Variants in CERK observed in about 807,000 individuals in gnomAD.
The protein encoded by CERK is ceramide kinase, also known as acylsphingosine kinase.
Under a neutral mutation model 63.4 loss-of-function variants are expected in CERK, and 39 were observed. The ratio of observed to expected loss-of-function variants is 0.61; its 90% CI spans 0.48 to 0.80. CERK has a LOEUF of 0.80. CERK is among the 30% of genes least tolerant of loss of function. The pLI, the probability that CERK is intolerant of heterozygous loss-of-function variation, is 0.00. For missense variants in CERK, 670 were observed against 714.1 expected (o/e 0.94, Z 0.70); for synonymous variants, 302 against 280.0 (o/e 1.08, Z -0.78).
intron 3 of CERK, among the ~76,000 whole-genome samples, chr22:46,715,306 T>C (rs1193414097): frequency 1.3e-5 from 2 of 152,140 alleles, no homozygotes; most frequent in African/African-American, 4.8e-5. Flanking sequence ...AACACAACTG[T>C]TATTATGCAC....
At chr22:46,710,228 G>A (rs1464525511) in intron 5 of CERK, among the ~76,000 whole-genome samples, 1 of 152,204 alleles carries the variant, frequency 6.6e-6, no homozygotes, top group Non-Finnish European at 1.5e-5. Context: ...GAGGTCAGGA[G>A]TTCGAGACCA....
rs570547464 is a variant in CERK at position 46,724,881 on chromosome 22, T to C, written c.143-3866A>G. Among the ~76,000 whole-genome samples the C allele has an allele frequency of 2.5e-3, 374 of 152,000 alleles. 2 individuals carry two copies. Among genetic ancestry groups the C allele is most frequent in the African/African-American group, 8.3e-3 (344 of 41,456 alleles). ...AAAAATACACAAAAAATTAGCCGGG[T>C]GTGGTGGCGGGCACCTGTAGCCCCA... On this transcript the variant is annotated intron_variant, in intron 1 of 12. Coordinates refer to ENST00000216264, the MANE Select transcript of CERK (RefSeq NM_022766.6).
At position 46,688,741 on chromosome 22, in the gene CERK, G is replaced by A. The variant is rs144313249; in HGVS notation, c.1541+1251C>T. ...CACCCAGCTTTCGTTGCAGACAGGCGTGGGCCTGCTGACCAGCCTGCTATC... is the reference window on the plus strand; with the variant it reads ...CACCCAGCTTTCGTTGCAGACAGGCATGGGCCTGCTGACCAGCCTGCTATC... On this transcript the variant is annotated intron_variant, in intron 12 of 12. Transcript: ENST00000216264. Among the ~76,000 whole-genome samples the A allele has an allele frequency of 1.3e-5, 2 of 152,358 alleles. 1 individual carries two copies. Among genetic ancestry groups the A allele is most frequent in the East Asian group, 3.9e-4 (2 of 5,192 alleles).
intron 5 of CERK, among the ~76,000 whole-genome samples, chr22:46,709,533 G>T (rs2082830328): frequency 6.6e-6 from 1 of 152,194 alleles, no homozygotes; most frequent in African/African-American, 2.4e-5. Context: ...GCACCTGGGG[G>T]CAGGGGCTCC....
At chr22:46,713,508 C>CAAAAAA (rs34168827) in intron 3 of CERK, among the ~76,000 whole-genome samples, 14 of 74,156 alleles carry the variant, frequency 1.9e-4, no homozygotes, top group South Asian at 1.3e-3. Context: ...GACTTCATCT[C>CAAAAAA]AAAAAAAAAA....
chr22:46,692,380 T>G (rs1444218143), intron 10 of CERK, among the ~76,000 whole-genome samples: 4 of 144,280 alleles, frequency 2.8e-5, no homozygotes, highest in Non-Finnish European at 6.0e-5. Flanking sequence ...GAGCTGAGAT[T>G]GCGCCATTGC....
chr22:46,687,125 G>C lies in CERK; in HGVS notation c.*9C>G. On this transcript the variant is annotated 3_prime_UTR_variant, in exon 13 of 13. Coordinates refer to ENST00000216264, the MANE Select transcript of CERK (RefSeq NM_022766.6). ...CACTTTCCCAGTTTGTGAGCAGGAC[G>C]CCGGCTTCTCAGCTGTGTGAGTCTG... is the stretch of plus-strand genomic sequence containing the variant. 1 of 1,613,044 alleles carries C rather than the reference G, an allele frequency of 6.2e-7. No individual in the cohort carries two copies. The highest frequency in any genetic ancestry group is 8.5e-7 in the Non-Finnish European group (1 of 1,179,074).
chr22:46,733,669 T>C (rs112462555), intron 1 of CERK, among the ~76,000 whole-genome samples: 2,114 of 152,262 alleles, frequency 0.014, 59 homozygotes, highest in African/African-American at 0.047. Flanking sequence ...TCTAGCTTTT[T>C]CTTTATTCTT....
At position 46,726,078 on chromosome 22, in the gene CERK, T is replaced by G. The variant is rs564541643; in HGVS notation, c.143-5063A>C. Among the ~76,000 whole-genome samples the G allele has an allele frequency of 1.5e-3, 230 of 152,214 alleles. 1 individual carries two copies. Among genetic ancestry groups the G allele is most frequent in the Non-Finnish European group, 2.8e-3 (188 of 68,032 alleles). ...AGCAGGAGGGCCCACGGGTTTCCCGTGTGTCACGGGGCACTGAGTGTCTGC... is the reference window on the plus strand; with the variant it reads ...AGCAGGAGGGCCCACGGGTTTCCCGGGTGTCACGGGGCACTGAGTGTCTGC... On this transcript the variant is annotated intron_variant, in intron 1 of 12. Transcript: ENST00000216264.
chr22:46,691,222 A>C (rs2082730023), intron 11 of CERK, among the ~76,000 whole-genome samples: 1 of 151,990 alleles, frequency 6.6e-6, no homozygotes, highest in South Asian at 2.1e-4. Flanking sequence ...TTACAGGCGC[A>C]CGCCACCACG....
intron 3 of CERK, among the ~76,000 whole-genome samples, chr22:46,716,874 G>T (rs1296253118): frequency 6.6e-6 from 1 of 152,036 alleles, no homozygotes; most frequent in Non-Finnish European, 1.5e-5. Flanking sequence ...GGCAGAGGTT[G>T]CAGTGAGCCA....
At chr22:46,723,973 C>T (rs1222347427) in intron 1 of CERK, among the ~76,000 whole-genome samples, 1 of 152,168 alleles carries the variant, frequency 6.6e-6, no homozygotes, top group Non-Finnish European at 1.5e-5. Context: ...ACTGGGATTA[C>T]AGGCATGAGC....
chr22:46,737,621 T>C (rs919182524), intron 1 of CERK, among the ~76,000 whole-genome samples: 1 of 147,298 alleles, frequency 6.8e-6, no homozygotes, highest in Non-Finnish European at 1.5e-5. Context: ...TAAACTGCAA[T>C]GCGCGCGGTG....
intron 1 of CERK, among the ~76,000 whole-genome samples, chr22:46,736,399 T>C (rs2082973652): frequency 1.3e-5 from 2 of 152,216 alleles, no homozygotes; most frequent in Admixed American, 6.5e-5. Flanking sequence ...CAGCAGCTAA[T>C]TGGGCCAGTC....
intron 3 of CERK, among the ~76,000 whole-genome samples, chr22:46,717,509 C>G (rs1321309335): frequency 6.6e-6 from 1 of 152,232 alleles, no homozygotes; most frequent in Non-Finnish European, 1.5e-5. Context: ...CTACTCGCCA[C>G]CACGGTGGAA....
At chr22:46,717,123 A>G (rs2082870532) in intron 3 of CERK, among the ~76,000 whole-genome samples, 1 of 152,188 alleles carries the variant, frequency 6.6e-6, no homozygotes, top group Admixed American at 6.5e-5. Flanking sequence ...ACCACAGTGC[A>G]AGACTATTAA....
At chr22:46,687,291 G>T in intron 12 of CERK, 85 bp from the exon 13 acceptor site, 1 of 578,664 alleles carries the variant, frequency 1.7e-6, no homozygotes, top group Non-Finnish European at 2.6e-6. Context: ...AGGGGCTGCA[G>T]TAAACCCCAC....
At chr22:46,719,704 T>C (rs1023520940) in intron 3 of CERK, among the ~76,000 whole-genome samples, 5 of 152,158 alleles carry the variant, frequency 3.3e-5, no homozygotes, top group East Asian at 1.9e-4. Flanking sequence ...AAAAAAGACA[T>C]GGACGCATCC....
chr22:46,727,840 G>A (rs1268553434), intron 1 of CERK, among the ~76,000 whole-genome samples: 2 of 67,838 alleles, frequency 2.9e-5, no homozygotes, highest in Non-Finnish European at 3.2e-5. Context: ...CACCCCCCCC[G>A]GCCCTGCCAC....
Sources: allele counts gnomAD v4.1 joint callset (sites outside exome capture counted in the v4.1 genomes callset), GRCh38; gene constraint gnomAD v4.1.1; transcripts MANE v1.5; gene names NCBI Gene and HGNC (gene_info 2026-07-23, HGNC 2026-07-21).